The following TIAM1 variants were observed in gnomAD, a reference collection of about 807,000 sequenced individuals.
TIAM1 encodes the protein TIAM Rac1 associated GEF 1, also known as rho guanine nucleotide exchange factor TIAM1.
Under a neutral mutation model 163.5 loss-of-function variants are expected in TIAM1, and 65 were observed. The observed-to-expected ratio is 0.40, with a 90% confidence interval of 0.33 to 0.49. The LOEUF is 0.49. TIAM1 is among the 20% of genes least tolerant of loss of function. The pLI is 0.77. For synonymous variants in TIAM1, 833 were observed against 810.1 expected, an observed-to-expected ratio of 1.03 and a Z score of -0.48; for missense variants, 1,789 against 2,044.7, an observed-to-expected ratio of 0.87 and a Z score of 2.41.
chr21:31,163,643 A>C (rs934402799), intron 16 of TIAM1, among the ~76,000 whole-genome samples: 1 of 152,332 alleles, frequency 6.6e-6, no homozygotes, highest in South Asian at 2.1e-4. Flanking sequence ...ATACACATAC[A>C]GGGGGAATCA....
At chr21:31,526,173 A>G (rs1032122042) in intron 1 of TIAM1, among the ~76,000 whole-genome samples, 27 of 152,192 alleles carry the variant, frequency 1.8e-4, no homozygotes, top group Non-Finnish European at 3.5e-4. Context: ...CCCCCATAGC[A>G]GCACTGAGCC....
intron 2 of TIAM1, among the ~76,000 whole-genome samples, chr21:31,319,333 G>A (rs562979062): frequency 6.6e-6 from 1 of 152,134 alleles, no homozygotes; most frequent in East Asian, 1.9e-4. Flanking sequence ...TGGAATTGTG[G>A]GGTCACATAG....
intron 2 of TIAM1, among the ~76,000 whole-genome samples, chr21:31,352,044 G>T (rs1053098099): frequency 6.6e-6 from 1 of 151,430 alleles, no homozygotes; most frequent in South Asian, 2.1e-4. Flanking sequence ...CTCCAACCTA[G>T]GCAACAGAGC....
intron 2 of TIAM1, among the ~76,000 whole-genome samples, chr21:31,415,910 G>A (rs2043355877): frequency 6.6e-6 from 1 of 152,040 alleles, no homozygotes; most frequent in Non-Finnish European, 1.5e-5. Context: ...CCTAGTTTAT[G>A]ACCACAGGCT....
chr21:31,464,228 C>T (rs1003863469), intron 1 of TIAM1, among the ~76,000 whole-genome samples: 80 of 152,272 alleles, frequency 5.3e-4, no homozygotes, highest in African/African-American at 1.8e-3. Flanking sequence ...AGGAGCAGAA[C>T]CATCCAGGAC....
chr21:31,152,849 A>G (rs2083445071), intron 18 of TIAM1, 88 bp from the exon 19 acceptor site: 3 of 1,509,090 alleles, frequency 2.0e-6, no homozygotes, highest in African/African-American at 1.4e-5. Context: ...TTTTCTATCA[A>G]TTCTTATCAA....
At chr21:31,213,123 C>A (rs978295591) in intron 10 of TIAM1, 5 of 370,252 alleles carry the variant, frequency 1.4e-5, no homozygotes, top group Non-Finnish European at 1.9e-5. Context: ...CTATTCAGAA[C>A]CCAAATTTCC....
intron 6 of TIAM1, among the ~76,000 whole-genome samples, chr21:31,238,765 C>A (rs760005449): frequency 6.6e-5 from 10 of 152,202 alleles, no homozygotes; most frequent in Non-Finnish European, 1.5e-4. Context: ...TGCCCACGTT[C>A]TTCTTAGGGT....
intron 11 of TIAM1, among the ~76,000 whole-genome samples, chr21:31,205,749 T>C (rs937409359): frequency 6.6e-5 from 10 of 152,136 alleles, no homozygotes; most frequent in African/African-American, 2.4e-4. Flanking sequence ...GCTAGTTGCT[T>C]AAGCCCAGGA....
At position 31,382,292 on chromosome 21, in the gene TIAM1, T is replaced by C. The variant is rs1246569514; in HGVS notation, c.-368-42870A>G. ...AAAACCACAAGGTAACTAGAAACCA[T>C]TGGCTAAAATCATAGGTGACAAAAG... On this transcript the variant is annotated intron_variant, in intron 2 of 28. Transcript: ENST00000286827. 3.3e-5 allele frequency among the ~76,000 whole-genome samples: 5 copies of C among 152,206 alleles called. No individual in the cohort carries two copies. In the East Asian group the frequency reaches 5.8e-4, roughly 18 times the overall value.
chr21:31,139,291 T>C (rs1006931969), intron 22 of TIAM1, among the ~76,000 whole-genome samples: 1 of 152,206 alleles, frequency 6.6e-6, no homozygotes. Flanking sequence ...AAATGTAATA[T>C]GACGTAATGA....
chr21:31,136,580 A>G (rs1799485326), intron 22 of TIAM1, among the ~76,000 whole-genome samples: 1 of 152,234 alleles, frequency 6.6e-6, no homozygotes, highest in Admixed American at 6.5e-5. Context: ...TACAGGGGAG[A>G]GAAAAGGCTC....
intron 1 of TIAM1, among the ~76,000 whole-genome samples, chr21:31,490,120 T>A (rs1202024902): frequency 6.6e-6 from 1 of 152,242 alleles, no homozygotes; most frequent in South Asian, 2.1e-4. Context: ...ACCTACTGTA[T>A]GCAGAGGTGC....
At chr21:31,246,893 G>A (rs2071530655) in intron 5 of TIAM1, among the ~76,000 whole-genome samples, 2 of 152,120 alleles carry the variant, frequency 1.3e-5, no homozygotes, top group Non-Finnish European at 1.5e-5. Flanking sequence ...ATTGCACGGT[G>A]CTGCTGAGCA....
intron 6 of TIAM1, among the ~76,000 whole-genome samples, chr21:31,230,526 C>T (rs1037433615): frequency 1.3e-5 from 2 of 151,958 alleles, no homozygotes; most frequent in African/African-American, 2.4e-5. Context: ...ATTACCCATT[C>T]GATAATTATT....
At chr21:31,169,288 C>T (rs1401806542) in intron 15 of TIAM1, among the ~76,000 whole-genome samples, 3 of 150,194 alleles carry the variant, frequency 2.0e-5, no homozygotes, top group Admixed American at 6.6e-5. Context: ...AGTGAGACTC[C>T]GTCTCAAATA....
chr21:31,553,321 A>G (rs1014930939), intron 1 of TIAM1, among the ~76,000 whole-genome samples: 1 of 152,198 alleles, frequency 6.6e-6, no homozygotes. Flanking sequence ...TGCCCTCCAA[A>G]TTATCACTTT....
rs77092908 is a variant in TIAM1, at chr21:31,154,398, C to T, written c.3020G>A (p.Arg1007His). The T allele has an allele frequency of 3.8e-4, 617 of 1,613,916 alleles. 3 individuals are homozygous for T. In the Middle Eastern group the frequency reaches 4.6e-3, roughly 12 times the overall value. ...KSTEQVAAFC[R>H]SLHEMNPSDQ... The stretch of plus-strand genomic sequence containing the variant: ...AGAGGGGTTCATCTCATGCAAACTG[C>T]GGCAAAATGCGGCCACCTGTTCTGT... The change falls in exon 17 of 28, where the codon CGC becomes CAC. Residue 1007 changes from arginine to histidine, a missense_variant. By Grantham distance (29) the Arg-to-His change is conservative. Coordinates refer to ENST00000541036, the MANE Select transcript of TIAM1 (RefSeq NM_001353694.2).
At chr21:31,180,067 G>A (rs2084943819) in intron 15 of TIAM1, among the ~76,000 whole-genome samples, 1 of 151,862 alleles carries the variant, frequency 6.6e-6, no homozygotes, top group Non-Finnish European at 1.5e-5. Context: ...CACCACGGAT[G>A]GCTAATTTTT....
Sources: allele counts gnomAD v4.1 joint callset (sites outside exome capture counted in the v4.1 genomes callset), GRCh38; gene constraint gnomAD v4.1.1; transcripts MANE v1.5; gene names NCBI Gene and HGNC (gene_info 2026-07-23, HGNC 2026-07-21).